The following NDST4 variants were observed in gnomAD, a reference collection of about 807,000 sequenced individuals.
NDST4 encodes the protein N-heparan sulfate sulfotransferase 4.
NDST4 carries 63 observed loss-of-function variants against 100.8 expected under a neutral mutation model. The ratio of observed to expected loss-of-function variants is 0.62; its 90% confidence interval spans 0.51 to 0.77. The LOEUF is 0.77. Among genes scored for constraint, NDST4 ranks in the 30% least tolerant of loss-of-function variants. The pLI, the probability that NDST4 is intolerant of heterozygous loss-of-function variation, is 0.00. For missense variants in NDST4, 943 were observed against 1,018.4 expected, an observed-to-expected ratio of 0.93 and a Z score of 1.01; for synonymous variants, 377 against 361.8, an observed-to-expected ratio of 1.04 and a Z score of -0.48.
intron 4 of NDST4, among the ~76,000 whole-genome samples, chr4:114,963,430 GT>G (rs1342862542): frequency 2.0e-5 from 3 of 152,186 alleles, no homozygotes; most frequent in African/African-American, 7.2e-5. Flanking sequence ...GGTTGAGGGA[GT>G]GGGGAGAAAT....
At chr4:114,831,062 T>C (rs1219994564) in intron 12 of NDST4, among the ~76,000 whole-genome samples, 1 of 152,206 alleles carries the variant, frequency 6.6e-6, no homozygotes, top group Non-Finnish European at 1.5e-5. Flanking sequence ...CTTTTTTTTT[T>C]TGAGACGGAG....
chr4:114,899,018 T>C (rs1258925422), intron 6 of NDST4, among the ~76,000 whole-genome samples: 1 of 152,174 alleles, frequency 6.6e-6, no homozygotes, highest in Non-Finnish European at 1.5e-5. Flanking sequence ...TTCGTTTCCT[T>C]TCTTTGTCGT....
At chr4:115,041,547 G>A (rs1728352116) in intron 2 of NDST4, among the ~76,000 whole-genome samples, 1 of 151,994 alleles carries the variant, frequency 6.6e-6, no homozygotes, top group African/African-American at 2.4e-5. Flanking sequence ...GCTAGCTAAT[G>A]ATATTCTCTG....
At chr4:114,969,887 A>G (rs1038779283) in intron 4 of NDST4, among the ~76,000 whole-genome samples, 7 of 152,216 alleles carry the variant, frequency 4.6e-5, no homozygotes, top group Non-Finnish European at 8.8e-5. Context: ...AGAAATTGCC[A>G]CACTGCTTTC....
chr4:115,037,049 A>T (rs1728248232), intron 2 of NDST4, among the ~76,000 whole-genome samples: 1 of 152,020 alleles, frequency 6.6e-6, no homozygotes, highest in African/African-American at 2.4e-5. Flanking sequence ...AAACAGAAAT[A>T]ATGTATGTGT....
chr4:114,991,626 C>T (rs1727042863), intron 2 of NDST4, among the ~76,000 whole-genome samples: 1 of 151,852 alleles, frequency 6.6e-6, no homozygotes, highest in Non-Finnish European at 1.5e-5. Flanking sequence ...ATACCTCTAG[C>T]CACAAGAGAA....
chr4:114,912,481 T>C (rs1725081726), intron 6 of NDST4, among the ~76,000 whole-genome samples: 1 of 152,158 alleles, frequency 6.6e-6, no homozygotes, highest in Non-Finnish European at 1.5e-5. Flanking sequence ...TGATGCTTTC[T>C]GACGTACTTG....
intron 2 of NDST4, among the ~76,000 whole-genome samples, chr4:115,001,829 T>C (rs1727296084): frequency 6.6e-6 from 1 of 152,152 alleles, no homozygotes; most frequent in South Asian, 2.1e-4. Context: ...TTAATTTGTT[T>C]TCATATTCAC....
chr4:114,910,700 AG>A (rs1578382868), intron 6 of NDST4, among the ~76,000 whole-genome samples: 1 of 152,186 alleles, frequency 6.6e-6, no homozygotes, highest in East Asian at 1.9e-4. Flanking sequence ...CTAACGTGTT[AG>A]ATGCCTAAAA....
At chr4:115,099,994 C>A (rs1041420700) in intron 1 of NDST4, among the ~76,000 whole-genome samples, 1 of 151,970 alleles carries the variant, frequency 6.6e-6, no homozygotes, top group Non-Finnish European at 1.5e-5. Flanking sequence ...AATAAATGAT[C>A]TATCAAGCCA....
At chr4:115,006,588 A>C (rs1295102794) in intron 2 of NDST4, among the ~76,000 whole-genome samples, 1 of 152,180 alleles carries the variant, frequency 6.6e-6, no homozygotes, top group East Asian at 1.9e-4. Context: ...CATAGGAATG[A>C]GATTCACAGG....
At chr4:115,022,287 C>T (rs1727853472) in intron 2 of NDST4, among the ~76,000 whole-genome samples, 1 of 151,628 alleles carries the variant, frequency 6.6e-6, no homozygotes, top group South Asian at 2.1e-4. Context: ...ATGCACGTTC[C>T]ACATATATAT....
intron 4 of NDST4, among the ~76,000 whole-genome samples, chr4:114,962,547 G>T (rs1726287016): frequency 6.6e-6 from 1 of 151,892 alleles, no homozygotes; most frequent in Non-Finnish European, 1.5e-5. Flanking sequence ...AATTTTAAAA[G>T]ATTTTTGTTT....
At chr4:114,880,634 T>G (rs1436561118) in intron 6 of NDST4, among the ~76,000 whole-genome samples, 1 of 152,186 alleles carries the variant, frequency 6.6e-6, no homozygotes, top group Non-Finnish European at 1.5e-5. Flanking sequence ...AAACATTTAT[T>G]AATGCTTAAT....
intron 11 of NDST4, among the ~76,000 whole-genome samples, chr4:114,834,476 T>G: frequency 7.5e-6 from 1 of 132,884 alleles, no homozygotes; most frequent in East Asian, 2.2e-4. Context: ...ATCGTGCCAC[T>G]GCACTCCAGC....
At chr4:115,101,288 A>G (rs1729723519) in intron 1 of NDST4, among the ~76,000 whole-genome samples, 2 of 152,140 alleles carry the variant, frequency 1.3e-5, no homozygotes, top group Non-Finnish European at 2.9e-5. Context: ...GAAAATGAGT[A>G]AATTATAATA....
At chr4:115,068,642 A>AT (rs66480879) in intron 2 of NDST4, among the ~76,000 whole-genome samples, 1 of 19,324 alleles carries the variant, frequency 5.2e-5, no homozygotes, top group African/African-American at 2.3e-4. Flanking sequence ...CCCCATCTCC[A>AT]AAAAAAAAAA....
intron 1 of NDST4, among the ~76,000 whole-genome samples, chr4:115,093,516 T>C (rs537091190): frequency 6.6e-6 from 1 of 151,962 alleles, no homozygotes; most frequent in South Asian, 2.1e-4. Flanking sequence ...ATAATATGAC[T>C]AACAAATTTG....
Position 114,934,540 on chromosome 4 carries a change from C to A in NDST4, c.1536+666G>T, listed in dbSNP as rs190172422. Among the ~76,000 whole-genome samples, 9 of 143,436 alleles carry A rather than the reference C, an allele frequency of 6.3e-5. No homozygotes were observed. The East Asian group carries it at 1.4e-3, about 23-fold the overall frequency. The allele number at this position is 143,436 out of a possible 152,430, so 94.1% of individuals were successfully genotyped here. Reference sequence around the variant, plus strand: ...CTGCACTCCAGCCTGGGCAACAGAGCGAGACTGCCTCTCAAAAAAAAAAAA... The same window carrying A: ...CTGCACTCCAGCCTGGGCAACAGAGAGAGACTGCCTCTCAAAAAAAAAAAA... On this transcript the variant is annotated intron_variant, in intron 6 of 13. Coordinates refer to ENST00000264363, the MANE Select transcript of NDST4 (RefSeq NM_022569.3).
Sources: allele counts gnomAD v4.1 joint callset (sites outside exome capture counted in the v4.1 genomes callset), GRCh38; gene constraint gnomAD v4.1.1; transcripts MANE v1.5; gene names NCBI Gene and HGNC (gene_info 2026-07-23, HGNC 2026-07-21).